Variants in SH3GL2 observed in about 807,000 individuals in gnomAD.
SH3GL2 encodes the protein SH3 domain containing GRB2 like 2, endophilin A1.
SH3GL2 carries 24 observed loss-of-function variants against 46.0 expected under a neutral mutation model. The ratio of observed to expected loss-of-function variants is 0.52; its 90% CI spans 0.38 to 0.73. The LOEUF (loss-of-function observed/expected upper bound fraction) is 0.73. Among genes scored for constraint, SH3GL2 ranks in the 30% least tolerant of loss-of-function variants. The pLI is 0.00. For synonymous variants in SH3GL2, 196 were observed against 147.1 expected (o/e 1.33, Z -2.40); for missense variants, 413 against 424.2 (o/e 0.97, Z 0.23).
chr9:17,587,138 G>A (rs1357595813), intron 1 of SH3GL2, among the ~76,000 whole-genome samples: 2 of 152,158 alleles, frequency 1.3e-5, no homozygotes. Flanking sequence ...GGAGGCGGAG[G>A]CTACAGTGAG....
At chr9:17,616,054 A>G (rs998486066) in intron 1 of SH3GL2, among the ~76,000 whole-genome samples, 1 of 152,164 alleles carries the variant, frequency 6.6e-6, no homozygotes, top group African/African-American at 2.4e-5. Context: ...GGTTACCTTT[A>G]TTAATGATGC....
chr9:17,585,558 G>T (rs1026104372), intron 1 of SH3GL2, among the ~76,000 whole-genome samples: 12 of 152,290 alleles, frequency 7.9e-5, no homozygotes, highest in African/African-American at 2.9e-4. Context: ...GAGGATAGGA[G>T]GGGGGACACG....
chr9:17,633,905 G>A (rs1819486552), intron 1 of SH3GL2, among the ~76,000 whole-genome samples: 1 of 152,162 alleles, frequency 6.6e-6, no homozygotes, highest in Admixed American at 6.5e-5. Context: ...ATGCAAGTGT[G>A]CCTTCAGTGT....
In SH3GL2 at chr9:17,681,780, G is replaced by C. The variant is rs923092437; in HGVS notation, c.46-65286G>C. On this transcript the variant is annotated intron_variant, in intron 1 of 8. Transcript: ENST00000380607. ...AGAGTGAATAGGCAACCAAAGAATA[G>C]GAGAAAATTTTTGTAATCTACCCAT... 2.0e-5 allele frequency among the ~76,000 whole-genome samples: 3 copies of C among 152,040 alleles called. No homozygotes were observed. The East Asian group carries it at 5.8e-4, about 29-fold the overall frequency.
At chr9:17,758,387 C>T (rs1039992338) in intron 2 of SH3GL2, among the ~76,000 whole-genome samples, 1 of 151,414 alleles carries the variant, frequency 6.6e-6, no homozygotes, top group Non-Finnish European at 1.5e-5. Context: ...ATGGCAAAAC[C>T]CCGTCTCTAC....
intron 1 of SH3GL2, among the ~76,000 whole-genome samples, chr9:17,686,666 A>G (rs939605939): frequency 4.1e-5 from 6 of 145,444 alleles, no homozygotes; most frequent in African/African-American, 1.5e-4. Context: ...GGAAATCATC[A>G]TTCTCAGTAA....
chr9:17,630,863 TG>T (rs1215705378), intron 1 of SH3GL2, among the ~76,000 whole-genome samples: 1 of 152,132 alleles, frequency 6.6e-6, no homozygotes, highest in Non-Finnish European at 1.5e-5. Context: ...ATGGGCAAGG[TG>T]GGGCAGGACC....
chr9:17,654,858 A>C (rs1326606999), intron 1 of SH3GL2, among the ~76,000 whole-genome samples: 1 of 152,130 alleles, frequency 6.6e-6, no homozygotes, highest in Non-Finnish European at 1.5e-5. Flanking sequence ...AAAATAACCA[A>C]CATCTGGTAA....
chr9:17,774,101 C>T (rs1046107514), intron 3 of SH3GL2, among the ~76,000 whole-genome samples: 1 of 151,886 alleles, frequency 6.6e-6, no homozygotes, highest in Admixed American at 6.6e-5. Flanking sequence ...TCAGATTGTT[C>T]GTTGTCAGTG....
At chr9:17,657,563 G>C (rs1438221684) in intron 1 of SH3GL2, among the ~76,000 whole-genome samples, 1 of 152,194 alleles carries the variant, frequency 6.6e-6, no homozygotes, top group Admixed American at 6.5e-5. Context: ...AAGGAAAGTA[G>C]TAAAACTACC....
intron 3 of SH3GL2, 57 bp from the exon 4 acceptor site, chr9:17,786,324 C>G: frequency 1.3e-6 from 2 of 1,538,450 alleles, no homozygotes; most frequent in Non-Finnish European, 1.8e-6. Flanking sequence ...CCATCCAGCC[C>G]TATTTCCGCA....
At chr9:17,648,634 G>T (rs1488568087) in intron 1 of SH3GL2, among the ~76,000 whole-genome samples, 1 of 152,132 alleles carries the variant, frequency 6.6e-6, no homozygotes, top group Non-Finnish European at 1.5e-5. Flanking sequence ...AAAATGTACT[G>T]AGGTAGTGAC....
intron 1 of SH3GL2, among the ~76,000 whole-genome samples, chr9:17,648,901 A>AT (rs1471627404): frequency 1.3e-5 from 2 of 152,148 alleles, no homozygotes; most frequent in Non-Finnish European, 2.9e-5. Context: ...CATATCAATC[A>AT]TTTTTTCCCA....
intron 1 of SH3GL2, among the ~76,000 whole-genome samples, chr9:17,647,488 G>A (rs1819847128): frequency 6.6e-6 from 1 of 152,032 alleles, no homozygotes; most frequent in Non-Finnish European, 1.5e-5. Context: ...GATACAAATG[G>A]TGGAACTGGG....
intron 1 of SH3GL2, among the ~76,000 whole-genome samples, chr9:17,594,719 A>T (rs747533592): frequency 3.9e-5 from 6 of 152,142 alleles, no homozygotes; most frequent in Non-Finnish European, 8.8e-5. Context: ...TACAGGCACC[A>T]GTCTCCTTGA....
chr9:17,579,582 G>C (rs1355234099), intron 1 of SH3GL2, among the ~76,000 whole-genome samples: 5 of 152,170 alleles, frequency 3.3e-5, no homozygotes, highest in African/African-American at 1.2e-4. Flanking sequence ...TGCAGGAAGG[G>C]GACCGCGGCT....
At chr9:17,779,970 A>G in intron 3 of SH3GL2, among the ~76,000 whole-genome samples, 1 of 152,322 alleles carries the variant, frequency 6.6e-6, no homozygotes, top group East Asian at 1.9e-4. Context: ...AGACGAACAC[A>G]GTGGTTCTCA....
intron 1 of SH3GL2, among the ~76,000 whole-genome samples, chr9:17,700,718 C>T (rs1242314640): frequency 6.6e-6 from 1 of 152,138 alleles, no homozygotes; most frequent in Non-Finnish European, 1.5e-5. Context: ...GGGTTAAAAT[C>T]CTGTCAGCAA....
chr9:17,670,150 G>A (rs1437758352), intron 1 of SH3GL2, among the ~76,000 whole-genome samples: 2 of 152,016 alleles, frequency 1.3e-5, no homozygotes, highest in Admixed American at 6.5e-5. Context: ...CTTTCTTACT[G>A]TGCATGTGCT....
Sources: gnomAD v4.1 joint callset for allele counts (sites outside exome capture counted in the v4.1 genomes callset) on GRCh38, gnomAD v4.1.1 for gene constraint, MANE v1.5 for transcripts, NCBI Gene and HGNC (gene_info 2026-07-23, HGNC 2026-07-21) for gene names.